IRAG1: variants seen among roughly 807,000 people sequenced by gnomAD.
IRAG1 encodes inositol 1,4,5-triphosphate receptor associated 1.
In IRAG1, 62 loss-of-function variants were observed where a neutral mutation model predicts 106.2. That is an observed-to-expected ratio of 0.58 (90% CI 0.48 to 0.72). IRAG1 has a LOEUF of 0.72. Ranked by LOEUF, IRAG1 falls within the 30% of genes least tolerant of loss-of-function variation. IRAG1 has a pLI of 0.00. For synonymous variants in IRAG1, 462 were observed against 443.9 expected, an observed-to-expected ratio of 1.04 and a Z score of -0.51; for missense variants, 1,064 against 1,140.7, an observed-to-expected ratio of 0.93 and a Z score of 0.97.
intron 2 of IRAG1, among the ~76,000 whole-genome samples, chr11:10,639,068 C>T (rs61890397): frequency 2.0e-5 from 3 of 152,092 alleles, no homozygotes; most frequent in Non-Finnish European, 2.9e-5. Context: ...TACAGGCATG[C>T]ACCACCATGC....
intron 2 of IRAG1, among the ~76,000 whole-genome samples, chr11:10,643,458 GAAC>G (rs890905083): frequency 2.6e-5 from 4 of 152,210 alleles, no homozygotes; most frequent in African/African-American, 9.7e-5. Context: ...CAGATATAAA[GAAC>G]AACTGCCTTG....
chr11:10,586,293 C>A (rs1477279164), intron 18 of IRAG1, among the ~76,000 whole-genome samples: 1 of 152,136 alleles, frequency 6.6e-6, no homozygotes, highest in East Asian at 1.9e-4. Context: ...TAAATATCTT[C>A]TCTAACTATC....
At chr11:10,598,807 A>G (rs1272616500) in intron 15 of IRAG1, among the ~76,000 whole-genome samples, 1 of 152,260 alleles carries the variant, frequency 6.6e-6, no homozygotes, top group Non-Finnish European at 1.5e-5. Flanking sequence ...GATAATTGGT[A>G]AATTTCATAT....
chr11:10,621,757 G>A (rs1855852043), intron 10 of IRAG1, among the ~76,000 whole-genome samples: 1 of 152,186 alleles, frequency 6.6e-6, no homozygotes, highest in Non-Finnish European at 1.5e-5. Flanking sequence ...TGTGGAAAAT[G>A]CTATGGGAAG....
At chr11:10,606,256 C>A (rs116685083) in intron 12 of IRAG1, among the ~76,000 whole-genome samples, 201 of 152,286 alleles carry the variant, frequency 1.3e-3, no homozygotes, top group African/African-American at 4.7e-3. Context: ...ACAAGGAGGC[C>A]CCAGTGAGGA....
intron 15 of IRAG1, among the ~76,000 whole-genome samples, chr11:10,598,992 C>A (rs1467420249): frequency 6.6e-6 from 1 of 152,212 alleles, no homozygotes; most frequent in African/African-American, 2.4e-5. Context: ...TATGGAAACA[C>A]CTGCTGAGTG....
intron 10 of IRAG1, among the ~76,000 whole-genome samples, chr11:10,620,629 A>C (rs1855764640): frequency 6.6e-6 from 1 of 152,216 alleles, no homozygotes; most frequent in African/African-American, 2.4e-5. Context: ...AACAATGACA[A>C]TTATTGATTA....
chr11:10,635,953 T>G (rs1857117363), intron 2 of IRAG1, among the ~76,000 whole-genome samples: 1 of 152,124 alleles, frequency 6.6e-6, no homozygotes, highest in South Asian at 2.1e-4. Flanking sequence ...GAGGAGGCAC[T>G]CAGAATCTCC....
At chr11:10,652,436 G>T in intron 1 of IRAG1, 1 of 922,912 alleles carries the variant, frequency 1.1e-6, no homozygotes, top group East Asian at 2.9e-5. Flanking sequence ...ATCCCAGAAG[G>T]GAGAAATGTG....
intron 15 of IRAG1, among the ~76,000 whole-genome samples, chr11:10,598,899 A>C (rs973509961): frequency 2.0e-5 from 3 of 152,210 alleles, no homozygotes; most frequent in Middle Eastern, 3.2e-3. Flanking sequence ...CAGTCTTCAA[A>C]ACCCCAGGCA....
At chr11:10,661,668 T>C (rs1859413276) in intron 1 of IRAG1, among the ~76,000 whole-genome samples, 1 of 152,164 alleles carries the variant, frequency 6.6e-6, no homozygotes. Flanking sequence ...TGATCTCTGC[T>C]TCCCCCTTCA....
At chr11:10,629,762 G>T in intron 4 of IRAG1, 51 bp from the exon 5 acceptor site, 1 of 1,574,678 alleles carries the variant, frequency 6.4e-7, no homozygotes, top group Non-Finnish European at 8.6e-7. Flanking sequence ...CGTGGCCCCA[G>T]GCTGAGGTCA....
chr11:10,621,756 T>C (rs1234172385), intron 10 of IRAG1, among the ~76,000 whole-genome samples: 2 of 152,032 alleles, frequency 1.3e-5, no homozygotes, highest in Non-Finnish European at 2.9e-5. Context: ...CTGTGGAAAA[T>C]GCTATGGGAA....
chr11:10,654,278 C>T (rs750702113), intron 1 of IRAG1, among the ~76,000 whole-genome samples: 9 of 152,170 alleles, frequency 5.9e-5, no homozygotes, highest in African/African-American at 9.7e-5. Context: ...GGACTGAGCT[C>T]CTTGAGCTAG....
intron 1 of IRAG1, among the ~76,000 whole-genome samples, chr11:10,667,491 AT>A (rs2135072909): frequency 6.6e-6 from 1 of 152,302 alleles, no homozygotes; most frequent in South Asian, 2.1e-4. Context: ...CTTTCCTGAT[AT>A]CCTCTTACTG....
intron 18 of IRAG1, among the ~76,000 whole-genome samples, chr11:10,588,438 C>T (rs371810311): frequency 6.6e-5 from 10 of 152,288 alleles, no homozygotes; most frequent in African/African-American, 1.9e-4. Context: ...AAACTTCTCC[C>T]GGCTGGGGTC....
intron 1 of IRAG1, among the ~76,000 whole-genome samples, chr11:10,660,233 A>T (rs1859287655): frequency 1.3e-5 from 2 of 152,376 alleles, no homozygotes; most frequent in South Asian, 4.1e-4. Context: ...AAACACAGAC[A>T]TTATTAAAAA....
At chr11:10,680,286 A>AAGAG (rs545987487) in intron 1 of IRAG1, among the ~76,000 whole-genome samples, 16 of 125,598 alleles carry the variant, frequency 1.3e-4, no homozygotes, top group East Asian at 2.8e-4. Context: ...AAGAAAGAAA[A>AAGAG]AGAGAGAGAG....
chr11:10,591,130 C>T (rs898885726), intron 18 of IRAG1, among the ~76,000 whole-genome samples: 6 of 152,186 alleles, frequency 3.9e-5, no homozygotes, highest in Non-Finnish European at 1.5e-5. Context: ...TTGCCACAAT[C>T]CTGATGATGA....
Sources: allele counts gnomAD v4.1 joint callset (sites outside exome capture counted in the v4.1 genomes callset), GRCh38; gene constraint gnomAD v4.1.1; transcripts MANE v1.5; gene names NCBI Gene and HGNC (gene_info 2026-07-23, HGNC 2026-07-21).